Variants in CNTN5 observed in about 807,000 individuals in gnomAD.
CNTN5 encodes the protein contactin-5.
CNTN5 carries 77 observed loss-of-function variants against 129.1 expected under a neutral mutation model. That is an observed-to-expected ratio of 0.60 (90% CI 0.50 to 0.72). The LOEUF is 0.72. CNTN5 is among the 30% of genes least tolerant of loss of function. CNTN5 has a pLI of 0.00. For missense variants in CNTN5, 1,478 were observed against 1,328.8 expected (o/e 1.11, Z -1.75); for synonymous variants, 509 against 465.6 (o/e 1.09, Z -1.20).
At chr11:99,808,114 G>T (rs1946326582) in intron 3 of CNTN5, among the ~76,000 whole-genome samples, 1 of 152,164 alleles carries the variant, frequency 6.6e-6, no homozygotes, top group South Asian at 2.1e-4. Flanking sequence ...TTTGACTTGA[G>T]AAGTAGTAGA....
intron 1 of CNTN5, among the ~76,000 whole-genome samples, chr11:99,030,946 AATTTTT>A (rs920208439): frequency 2.0e-5 from 3 of 150,198 alleles, no homozygotes; most frequent in Non-Finnish European, 3.0e-5. Context: ...ACGCCTGGCT[AATTTTT>A]ATTTTTATTT....
intron 24 of CNTN5, 143 bp from the exon 25 acceptor site, chr11:100,355,974 T>G (rs1952513283): frequency 1.6e-6 from 1 of 617,794 alleles, no homozygotes; most frequent in Non-Finnish European, 2.9e-6. Context: ...TCAGATAATG[T>G]CTGATTTTAT....
At chr11:99,331,359 A>G (rs1460066901) in intron 2 of CNTN5, among the ~76,000 whole-genome samples, 2 of 152,150 alleles carry the variant, frequency 1.3e-5, no homozygotes, top group Non-Finnish European at 2.9e-5. Flanking sequence ...ATGCCATACA[A>G]TAAATAAATT....
At chr11:100,251,352 C>T (rs1949958982) in intron 16 of CNTN5, among the ~76,000 whole-genome samples, 2 of 152,084 alleles carry the variant, frequency 1.3e-5, no homozygotes, top group South Asian at 2.1e-4. Context: ...TGCTTTGGTA[C>T]ATATACTGTA....
At chr11:100,187,411 G>GT (rs33944692) in intron 13 of CNTN5, among the ~76,000 whole-genome samples, 90,759 of 148,426 alleles carry the variant, frequency 0.61, 27,734 homozygotes, top group South Asian at 0.75. Context: ...GCTGCCAACG[G>GT]TTTTTTTTTT....
chr11:99,780,670 A>G (rs892467376), intron 3 of CNTN5, among the ~76,000 whole-genome samples: 1 of 152,062 alleles, frequency 6.6e-6, no homozygotes, highest in Admixed American at 6.6e-5. Context: ...ATTTCACAGT[A>G]TGTTTACTTT....
At chr11:100,021,274 G>A (rs1377545740) in intron 9 of CNTN5, among the ~76,000 whole-genome samples, 1 of 152,118 alleles carries the variant, frequency 6.6e-6, no homozygotes, top group Non-Finnish European at 1.5e-5. Flanking sequence ...GTGCACATGG[G>A]AATTTACATA....
At chr11:99,298,542 A>G (rs1864486322) in intron 1 of CNTN5, among the ~76,000 whole-genome samples, 5 of 152,250 alleles carry the variant, frequency 3.3e-5, no homozygotes, top group Admixed American at 2.6e-4. Context: ...AACCACAAGG[A>G]CTCAAATATA....
chr11:99,929,299 CCTA>C (rs1231892207), intron 7 of CNTN5, among the ~76,000 whole-genome samples: 5 of 152,164 alleles, frequency 3.3e-5, no homozygotes, highest in Non-Finnish European at 5.9e-5. Context: ...TCCAAACATT[CCTA>C]CATTTTTCTG....
At chr11:100,216,033 C>T (rs1374668806) in intron 15 of CNTN5, among the ~76,000 whole-genome samples, 1 of 152,158 alleles carries the variant, frequency 6.6e-6, no homozygotes, top group Non-Finnish European at 1.5e-5. Flanking sequence ...AAACTGGCCT[C>T]ATTCCATGCT....
intron 2 of CNTN5, among the ~76,000 whole-genome samples, chr11:99,391,178 T>TA (rs1941241446): frequency 6.6e-6 from 1 of 152,128 alleles, no homozygotes; most frequent in Non-Finnish European, 1.5e-5. Flanking sequence ...CTAAAACCTG[T>TA]AAAAAACAAG....
chr11:99,267,920 G>GCACACACACACA (rs141288502), intron 1 of CNTN5, among the ~76,000 whole-genome samples: 7 of 140,544 alleles, frequency 5.0e-5, no homozygotes, highest in African/African-American at 1.5e-4. Context: ...ACACACACAC[G>GCACACACACACA]CACACACACA....
At chr11:99,040,633 C>T (rs1863949071) in intron 1 of CNTN5, among the ~76,000 whole-genome samples, 1 of 152,068 alleles carries the variant, frequency 6.6e-6, no homozygotes, top group Admixed American at 6.6e-5. Context: ...TTCTATTCAA[C>T]TTAGGTTTAT....
In CNTN5 at chr11:99,885,605, A is replaced by G. The variant is rs867119411; in HGVS notation, c.578-30449A>G. ...AAAATAATCCTAACAGGAACGTTTTAAGATGCAGTAAGAAATGCTTAGCAA... is the reference window on the plus strand; with the variant it reads ...AAAATAATCCTAACAGGAACGTTTTGAGATGCAGTAAGAAATGCTTAGCAA... On this transcript the variant is annotated intron_variant, in intron 6 of 24. Coordinates refer to ENST00000524871, the MANE Select transcript of CNTN5 (RefSeq NM_014361.4). Among the ~76,000 whole-genome samples the G allele has an allele frequency of 5.3e-5, 8 of 152,352 alleles. No individual in the cohort carries two copies. In the South Asian group the frequency reaches 6.2e-4, roughly 12 times the overall value.
intron 1 of CNTN5, among the ~76,000 whole-genome samples, chr11:99,314,404 G>A (rs931232709): frequency 2.6e-5 from 4 of 152,102 alleles, no homozygotes; most frequent in African/African-American, 7.2e-5. Flanking sequence ...TTCTATGGGT[G>A]TGCTTATGCT....
chr11:99,837,725 A>G (rs562066963), intron 4 of CNTN5, among the ~76,000 whole-genome samples: 4 of 151,606 alleles, frequency 2.6e-5, no homozygotes, highest in South Asian at 4.2e-4. Flanking sequence ...ATCACATGTG[A>G]TAATGATGAC....
intron 3 of CNTN5, among the ~76,000 whole-genome samples, chr11:99,766,354 C>A (rs1591126780): frequency 6.6e-6 from 1 of 151,942 alleles, no homozygotes; most frequent in South Asian, 2.1e-4. Context: ...GCCCTTTCTA[C>A]TAATGGAGCA....
chr11:99,557,869 A>C (rs1948723548), intron 3 of CNTN5, among the ~76,000 whole-genome samples: 1 of 151,738 alleles, frequency 6.6e-6, no homozygotes. Flanking sequence ...GCATACCTGC[A>C]CTCATCTAAA....
At chr11:99,559,017 T>G (rs989148928) in intron 3 of CNTN5, among the ~76,000 whole-genome samples, 2 of 152,158 alleles carry the variant, frequency 1.3e-5, no homozygotes, top group Non-Finnish European at 2.9e-5. Flanking sequence ...ATCCTCATTT[T>G]ATCATACTAT....
Sources: gnomAD v4.1 joint callset for allele counts (sites outside exome capture counted in the v4.1 genomes callset) on GRCh38, gnomAD v4.1.1 for gene constraint, MANE v1.5 for transcripts, NCBI Gene and HGNC (gene_info 2026-07-23, HGNC 2026-07-21) for gene names.